Variants in SSBP3 observed in about 807,000 individuals in gnomAD.
SSBP3 encodes the protein single stranded DNA binding protein 3.
In SSBP3, 5 loss-of-function variants were observed where a neutral mutation model predicts 69.6. That is an observed-to-expected ratio of 0.07 (90% CI 0.04 to 0.15). SSBP3 has a LOEUF of 0.15. SSBP3 is among the 10% of genes least tolerant of loss of function. The probability of loss-of-function intolerance (pLI) is 1.00; values close to 1 mark genes in which losing one functional copy is unlikely to be tolerated. For missense variants in SSBP3, 312 were observed against 534.0 expected, an observed-to-expected ratio of 0.58 and a Z score of 4.10; for synonymous variants, 196 against 193.4, an observed-to-expected ratio of 1.01 and a Z score of -0.11.
chr1:54,389,972 C>G (rs1648365856), intron 4 of SSBP3, among the ~76,000 whole-genome samples: 1 of 151,976 alleles, frequency 6.6e-6, no homozygotes, highest in South Asian at 2.1e-4. Flanking sequence ...TCATTTCCTT[C>G]TCTACAAAAT....
At chr1:54,278,150 A>G (rs1645324910) in intron 5 of SSBP3, among the ~76,000 whole-genome samples, 2 of 151,032 alleles carry the variant, frequency 1.3e-5, no homozygotes, top group South Asian at 4.2e-4. Flanking sequence ...CCAGAACACC[A>G]CTCCTGAACT....
At chr1:54,229,209 G>A (rs1644340319) in intron 14 of SSBP3, among the ~76,000 whole-genome samples, 2 of 152,200 alleles carry the variant, frequency 1.3e-5, no homozygotes, top group Non-Finnish European at 2.9e-5. Flanking sequence ...GTCAGGCCAG[G>A]GACCAAAACA....
intron 1 of SSBP3, among the ~76,000 whole-genome samples, chr1:54,411,874 A>G (rs1160537316): frequency 6.8e-6 from 1 of 147,588 alleles, no homozygotes; most frequent in African/African-American, 2.5e-5. Flanking sequence ...CCTGGGGGAC[A>G]GAGCGAGACT....
rs114711941 is a variant in SSBP3, at chr1:54,304,177, G to A, written c.277-22650C>T. Among the ~76,000 whole-genome samples the A allele has an allele frequency of 2.3e-3, 345 of 152,264 alleles. 1 individual carries two copies. Among genetic ancestry groups the A allele is most frequent in the Non-Finnish European group, 4.2e-3 (287 of 68,020 alleles). ...AACACAACTGGGGAGCACTTGGGTC[G>A]GGCATGTTGGAACCAAACGACACAG... On this transcript the variant is annotated intron_variant, in intron 4 of 17. Coordinates refer to ENST00000610401, the Ensembl canonical transcript of SSBP3.
At position 54,294,142 on chromosome 1, in the gene SSBP3, C is replaced by CA. The variant is rs1223376233; in HGVS notation, c.277-12616dup. On this transcript the variant is annotated intron_variant, in intron 4 of 17. Transcript: ENST00000610401. The stretch of plus-strand genomic sequence containing the variant: ...GGGGTGACAGAGTGAGACTCCATCT[C>CA]AAAAAAAAAAAAAAAAAAAAGAAAG... Among the ~76,000 whole-genome samples the CA allele has an allele frequency of 8.5e-3, 351 of 41,320 alleles. 15 individuals are homozygous for CA. The highest frequency in any genetic ancestry group is 0.02 in the African/African-American group (219 of 11,108). 27.1% of individuals were successfully genotyped at this position (41,320 alleles called of 152,430 possible).
intron 4 of SSBP3, among the ~76,000 whole-genome samples, chr1:54,306,285 T>C (rs946086142): frequency 6.6e-6 from 1 of 152,202 alleles, no homozygotes; most frequent in Non-Finnish European, 1.5e-5. Flanking sequence ...AACGCACAGC[T>C]TGGTGTGATA....
chr1:54,379,337 AC>A (rs1452271888), intron 4 of SSBP3, among the ~76,000 whole-genome samples: 4 of 151,958 alleles, frequency 2.6e-5, no homozygotes, highest in Non-Finnish European at 4.4e-5. Flanking sequence ...TGCATACCAC[AC>A]CTGGAGGTTG....
intron 4 of SSBP3, among the ~76,000 whole-genome samples, chr1:54,358,322 T>C (rs1188178320): frequency 6.6e-6 from 1 of 152,194 alleles, no homozygotes; most frequent in Non-Finnish European, 1.5e-5. Context: ...TTAGATACGG[T>C]GGACTCTTGG....
intron 9 of SSBP3, among the ~76,000 whole-genome samples, chr1:54,249,113 G>A (rs765048869): frequency 6.6e-5 from 10 of 151,898 alleles, no homozygotes; most frequent in African/African-American, 2.4e-4. Context: ...TACGGGTCAG[G>A]GGCAGACATG....
chr1:54,340,855 A>C (rs1303581022), intron 4 of SSBP3, among the ~76,000 whole-genome samples: 3 of 152,232 alleles, frequency 2.0e-5, no homozygotes, highest in Non-Finnish European at 2.9e-5. Context: ...AAGAGGAGGC[A>C]GAAGGTCCCC....
At chr1:54,363,851 A>T (rs1295566094) in intron 4 of SSBP3, among the ~76,000 whole-genome samples, 1 of 152,232 alleles carries the variant, frequency 6.6e-6, no homozygotes, top group Admixed American at 6.5e-5. Context: ...CTCTTCAGGA[A>T]CAGGGTGATT....
intron 7 of SSBP3, 74 bp from the exon 8 acceptor site, chr1:54,251,934 C>T: frequency 3.1e-6 from 4 of 1,285,710 alleles, no homozygotes; most frequent in Non-Finnish European, 4.5e-6. Context: ...ATCTACCTGT[C>T]CCACCCAGTG....
intron 7 of SSBP3, 29 bp from the exon 8 acceptor site, chr1:54,251,889 G>T (rs1474451929): frequency 6.2e-7 from 1 of 1,601,434 alleles, no homozygotes; most frequent in Non-Finnish European, 8.5e-7. Context: ...ACAAGCTGAG[G>T]AGCTGCTCCG....
chr1:54,404,785 G>GA, intron 2 of SSBP3, 73 bp downstream of exon 2: 7 of 799,560 alleles, frequency 8.8e-6, no homozygotes, highest in Non-Finnish European at 1.3e-5. Flanking sequence ...GGCTGCTCCT[G>GA]AAAACAAAGG....
In SSBP3 at chr1:54,316,655, A is replaced by T. The variant is rs1418562764; in HGVS notation, c.277-35128T>A. 1.7e-4 allele frequency among the ~76,000 whole-genome samples: 9 copies of T among 52,320 alleles called. 2 individuals are homozygous for T. The highest frequency in any genetic ancestry group is 1.1e-3 in the East Asian group (1 of 878). 34.3% of individuals were successfully genotyped at this position (52,320 alleles called of 152,430 possible). On this transcript the variant is annotated intron_variant, in intron 4 of 17. Transcript: ENST00000610401. ...AGAGCGAGACTCCGTCTCAAAAAAA[A>T]AAAATAAAATAAATAAATAAATAAA...
At chr1:54,374,666 T>C (rs1370447232) in intron 4 of SSBP3, among the ~76,000 whole-genome samples, 2 of 151,964 alleles carry the variant, frequency 1.3e-5, no homozygotes, top group Non-Finnish European at 2.9e-5. Flanking sequence ...CCTTTCTCCC[T>C]CCATCCCCCA....
At chr1:54,260,457 C>T (rs913289607) in intron 5 of SSBP3, among the ~76,000 whole-genome samples, 1 of 152,228 alleles carries the variant, frequency 6.6e-6, no homozygotes, top group African/African-American at 2.4e-5. Context: ...AAGTGAAGCA[C>T]CCAAGGGCGT....
chr1:54,383,003 A>AAG (rs961815124), intron 4 of SSBP3, among the ~76,000 whole-genome samples: 54 of 138,114 alleles, frequency 3.9e-4, no homozygotes, highest in East Asian at 1.3e-3. Context: ...AAAAAAAAAG[A>AAG]AGAGAGAGAG....
chr1:54,285,554 G>A (rs1437767780), intron 4 of SSBP3: 2 of 152,128 alleles, frequency 1.3e-5, no homozygotes, highest in African/African-American at 4.8e-5. Context: ...TCCCCAGGCT[G>A]GAATGCAGTG....
Sources: gnomAD v4.1 joint callset for allele counts (sites outside exome capture counted in the v4.1 genomes callset) on GRCh38, gnomAD v4.1.1 for gene constraint, MANE v1.5 for transcripts, NCBI Gene and HGNC (gene_info 2026-07-23, HGNC 2026-07-21) for gene names.